The following PPP2R2B variants were observed in gnomAD, a reference collection of about 807,000 sequenced individuals.
PPP2R2B encodes serine/threonine-protein phosphatase 2A 55 kDa regulatory subunit B beta isoform.
Under a neutral mutation model 46.0 loss-of-function variants are expected in PPP2R2B, and 5 were observed. That is an observed-to-expected ratio of 0.11 (90% CI 0.06 to 0.23). The LOEUF (loss-of-function observed/expected upper bound fraction) is 0.23. Among genes scored for constraint, PPP2R2B ranks in the 10% least tolerant of loss-of-function variants. The probability of loss-of-function intolerance (pLI) is 1.00; values close to 1 mark genes in which losing one functional copy is unlikely to be tolerated. For synonymous variants in PPP2R2B, 215 were observed against 206.7 expected, an observed-to-expected ratio of 1.04 and a Z score of -0.34; for missense variants, 367 against 575.0, an observed-to-expected ratio of 0.64 and a Z score of 3.70.
At position 147,048,621 on chromosome 5, in the gene PPP2R2B, T is replaced by C. The variant is rs543324813; in HGVS notation, c.79+7044A>G. On this transcript the variant is annotated intron_variant, in intron 1 of 8. Transcript: ENST00000336640. Reference sequence around the variant, plus strand: ...ATATTCACAGGCATTATGCTAGGTGTTTTACAACACTTTTTTTCACTCTCA... The same window carrying C: ...ATATTCACAGGCATTATGCTAGGTGCTTTACAACACTTTTTTTCACTCTCA... Among the ~76,000 whole-genome samples, 3 of 152,206 alleles carry C rather than the reference T, an allele frequency of 2.0e-5. No individual in the cohort carries two copies. The East Asian group carries it at 5.8e-4, about 29-fold the overall frequency.
chr5:146,987,976 A>C (rs1333322243), intron 1 of PPP2R2B, among the ~76,000 whole-genome samples: 3 of 152,024 alleles, frequency 2.0e-5, no homozygotes, highest in African/African-American at 7.2e-5. Context: ...AGCTATACTT[A>C]TATCAGATAA....
At chr5:146,961,924 G>A (rs1271492911) in intron 1 of PPP2R2B, among the ~76,000 whole-genome samples, 1 of 151,762 alleles carries the variant, frequency 6.6e-6, no homozygotes, top group Non-Finnish European at 1.5e-5. Flanking sequence ...GTCATTGCTT[G>A]TGTGTGTCCC....
At chr5:147,067,771 C>T (rs1158726108) in intron 2 of PPP2R2B, among the ~76,000 whole-genome samples, 3 of 152,158 alleles carry the variant, frequency 2.0e-5, no homozygotes, top group South Asian at 2.1e-4. Flanking sequence ...AGTGTTTAAT[C>T]GCACAGTTAC....
At chr5:146,966,509 A>G (rs760931536) in intron 1 of PPP2R2B, among the ~76,000 whole-genome samples, 30 of 152,322 alleles carry the variant, frequency 2.0e-4, no homozygotes, top group African/African-American at 6.5e-4. Context: ...CTCCTCTGAC[A>G]TGACCTAAGG....
At chr5:146,722,262 T>G (rs910780897) in intron 2 of PPP2R2B, among the ~76,000 whole-genome samples, 6 of 152,214 alleles carry the variant, frequency 3.9e-5, no homozygotes, top group African/African-American at 1.4e-4. Flanking sequence ...TTACGCCATA[T>G]GCAGTGGATG....
chr5:146,903,420 G>A (rs1224722853), intron 1 of PPP2R2B, among the ~76,000 whole-genome samples: 69 of 119,262 alleles, frequency 5.8e-4, no homozygotes, highest in African/African-American at 1.9e-3. Context: ...TTTAGAGACA[G>A]AATTTCACTC....
intron 1 of PPP2R2B, among the ~76,000 whole-genome samples, chr5:147,008,006 A>G (rs1754527782): frequency 6.6e-6 from 1 of 152,254 alleles, no homozygotes; most frequent in South Asian, 2.1e-4. Flanking sequence ...ATCTTAAACT[A>G]AACTCTTTAG....
At chr5:146,862,764 T>A (rs1191151436) in intron 2 of PPP2R2B, among the ~76,000 whole-genome samples, 3 of 39,570 alleles carry the variant, frequency 7.6e-5, no homozygotes, top group Admixed American at 5.3e-4. Context: ...GAAAAGTAAA[T>A]TTTTTTTTTT....
At chr5:146,891,628 G>T (rs1424534505) in intron 1 of PPP2R2B, among the ~76,000 whole-genome samples, 1 of 152,142 alleles carries the variant, frequency 6.6e-6, no homozygotes, top group Non-Finnish European at 1.5e-5. Context: ...CTTAGCACTA[G>T]GCTTTCTAGT....
At chr5:146,644,384 T>C (rs1775441901) in intron 6 of PPP2R2B, among the ~76,000 whole-genome samples, 1 of 152,150 alleles carries the variant, frequency 6.6e-6, no homozygotes, top group South Asian at 2.1e-4. Context: ...AAGTTAAAAC[T>C]GTGATGCGAA....
intron 1 of PPP2R2B, among the ~76,000 whole-genome samples, chr5:146,886,375 A>AAAG (rs59092209): frequency 2.0e-5 from 3 of 149,890 alleles, no homozygotes; most frequent in South Asian, 2.1e-4. Context: ...AAATAATAAA[A>AAAG]CTAAAATAAA....
At chr5:147,049,272 GAA>G (rs1477565522) in intron 1 of PPP2R2B, among the ~76,000 whole-genome samples, 1 of 152,168 alleles carries the variant, frequency 6.6e-6, no homozygotes, top group Non-Finnish European at 1.5e-5. Context: ...TGATATGAGA[GAA>G]AGAAGGAAAT....
chr5:147,003,697 A>G (rs993408933), intron 1 of PPP2R2B, among the ~76,000 whole-genome samples: 1 of 152,110 alleles, frequency 6.6e-6, no homozygotes, highest in Non-Finnish European at 1.5e-5. Flanking sequence ...CTCGACTCAG[A>G]TCATGGGGAC....
At chr5:147,008,480 T>C (rs575923339) in intron 1 of PPP2R2B, among the ~76,000 whole-genome samples, 2 of 152,340 alleles carry the variant, frequency 1.3e-5, no homozygotes, top group Admixed American at 1.3e-4. Context: ...CTGCTACTGA[T>C]CACTGTTTGT....
chr5:146,596,294 C>A (rs1302382759), intron 8 of PPP2R2B, among the ~76,000 whole-genome samples: 1 of 152,214 alleles, frequency 6.6e-6, no homozygotes, highest in Admixed American at 6.5e-5. Flanking sequence ...TGATTGAGAT[C>A]TGTGAATGCA....
At position 146,699,279 on chromosome 5, in the gene PPP2R2B, C is replaced by A. The variant is rs539956508; in HGVS notation, c.169-1135G>T. Reference sequence around the variant, plus strand: ...TGCAGACTCTCTGGGTGTGTGCCTCCTGAGAATTCACTCCTGGAGCTCACT... The same window carrying A: ...TGCAGACTCTCTGGGTGTGTGCCTCATGAGAATTCACTCCTGGAGCTCACT... On this transcript the variant is annotated intron_variant, in intron 3 of 9. Coordinates refer to ENST00000394411, the MANE Select transcript of PPP2R2B (RefSeq NM_181675.4). Among the ~76,000 whole-genome samples, 9 of 152,202 alleles carry A rather than the reference C, an allele frequency of 5.9e-5. No homozygotes were observed. The East Asian group carries it at 1.5e-3, about 26-fold the overall frequency.
intron 1 of PPP2R2B, among the ~76,000 whole-genome samples, chr5:147,023,028 T>G (rs888116259): frequency 1.3e-5 from 2 of 152,118 alleles, no homozygotes; most frequent in Non-Finnish European, 2.9e-5. Context: ...TCAGTAAATA[T>G]AAAAGATAAT....
intron 2 of PPP2R2B, among the ~76,000 whole-genome samples, chr5:147,070,810 C>G (rs1757568021): frequency 6.6e-6 from 1 of 152,180 alleles, no homozygotes; most frequent in Non-Finnish European, 1.5e-5. Context: ...TCCACTCAGG[C>G]ATGATGATCC....
At chr5:146,710,082 T>C (rs1030976436) in intron 2 of PPP2R2B, among the ~76,000 whole-genome samples, 3 of 152,190 alleles carry the variant, frequency 2.0e-5, no homozygotes, top group Non-Finnish European at 4.4e-5. Flanking sequence ...GATTTGTGTT[T>C]TTCCTCCTTC....
Sources: gnomAD v4.1 joint callset for allele counts (sites outside exome capture counted in the v4.1 genomes callset) on GRCh38, gnomAD v4.1.1 for gene constraint, MANE v1.5 for transcripts, NCBI Gene and HGNC (gene_info 2026-07-23, HGNC 2026-07-21) for gene names.